ARHGAP26: variants seen among roughly 807,000 people sequenced by gnomAD.
ARHGAP26 encodes rho GTPase-activating protein 26.
In ARHGAP26, 38 loss-of-function variants were observed where a neutral mutation model predicts 104.8. The ratio of observed to expected loss-of-function variants is 0.36; its 90% CI spans 0.28 to 0.48. ARHGAP26 has a LOEUF of 0.48. Ranked by LOEUF, ARHGAP26 falls within the 20% of genes least tolerant of loss-of-function variation. ARHGAP26 has a pLI of 0.99. For synonymous variants in ARHGAP26, 341 were observed against 340.0 expected, an observed-to-expected ratio of 1.00 and a Z score of -0.03; for missense variants, 704 against 947.9, an observed-to-expected ratio of 0.74 and a Z score of 3.38.
chr5:143,050,909 T>C (rs1448813883), intron 14 of ARHGAP26, among the ~76,000 whole-genome samples: 3 of 152,210 alleles, frequency 2.0e-5, no homozygotes, highest in Non-Finnish European at 4.4e-5. Flanking sequence ...CCATCACCTT[T>C]GCCTGTTGGG....
chr5:143,011,303 CTTTTTT>C (rs58841045), intron 11 of ARHGAP26, among the ~76,000 whole-genome samples: 1 of 110,988 alleles, frequency 9.0e-6, no homozygotes, highest in East Asian at 2.7e-4. Flanking sequence ...TAAACCCCCG[CTTTTTT>C]TTTTTTTTTT....
At chr5:142,939,181 C>T (rs1018277219) in intron 11 of ARHGAP26, among the ~76,000 whole-genome samples, 5 of 152,132 alleles carry the variant, frequency 3.3e-5, no homozygotes, top group African/African-American at 7.2e-5. Flanking sequence ...TGGTTGATCT[C>T]GGATAGATGA....
intron 1 of ARHGAP26, among the ~76,000 whole-genome samples, chr5:142,774,635 A>T (rs1755924436): frequency 6.6e-6 from 1 of 152,210 alleles, no homozygotes; most frequent in Non-Finnish European, 1.5e-5. Context: ...TGTGTTGTAC[A>T]TTCTGTGGAT....
chr5:143,154,653 A>C (rs258804), intron 20 of ARHGAP26, among the ~76,000 whole-genome samples: 88,707 of 151,892 alleles, frequency 0.58, 26,153 homozygotes, highest in Middle Eastern at 0.76. Context: ...GGAGGAAGGA[A>C]CTTCTGCTGT....
At chr5:142,778,487 T>C (rs1399547538) in intron 1 of ARHGAP26, among the ~76,000 whole-genome samples, 8 of 152,250 alleles carry the variant, frequency 5.3e-5, no homozygotes, top group African/African-American at 1.9e-4. Flanking sequence ...GATTATTTTG[T>C]GTTTTGCTTT....
intron 6 of ARHGAP26, among the ~76,000 whole-genome samples, chr5:142,900,835 G>A (rs1373403358): frequency 6.6e-6 from 1 of 152,150 alleles, no homozygotes; most frequent in Non-Finnish European, 1.5e-5. Flanking sequence ...TTGGAATAAG[G>A]TGGTATGGCA....
At position 142,843,455 on chromosome 5, in the gene ARHGAP26, A is replaced by G. The variant is rs146460865; in HGVS notation, c.155-29945A>G. ...GTTTCACTAGATTGTCATGATTACA[A>G]TGATGCCTACCATTCATTGAGTGCT... is the stretch of plus-strand genomic sequence containing the variant. On this transcript the variant is annotated intron_variant, in intron 1 of 22. Coordinates refer to ENST00000645722, the MANE Select transcript of ARHGAP26 (RefSeq NM_001135608.3). Among the ~76,000 whole-genome samples the G allele has an allele frequency of 3.4e-3, 525 of 152,368 alleles. 5 individuals carry two copies. Among genetic ancestry groups the G allele is most frequent in the African/African-American group, 0.011 (455 of 41,598 alleles).
At chr5:142,808,236 GAAAAAAAAAAAAAAAAAAAA>G (rs58550799) in intron 1 of ARHGAP26, among the ~76,000 whole-genome samples, 31 of 32,698 alleles carry the variant, frequency 9.5e-4, no homozygotes, top group African/African-American at 1.8e-3. Flanking sequence ...CATTGTCTCG[GAAAAAAAAAAAAAAAAAAAA>G]AAAAAAAAAA....
At chr5:143,119,391 A>G (rs1171920062) in intron 17 of ARHGAP26, among the ~76,000 whole-genome samples, 11 of 152,212 alleles carry the variant, frequency 7.2e-5, no homozygotes, top group Non-Finnish European at 8.8e-5. Context: ...TTTCCTTGCC[A>G]CACAGAGGAG....
In ARHGAP26 at chr5:142,887,762, C is replaced by A. The variant is rs968746262; in HGVS notation, c.486+2363C>A. ...TCTAACACTAAAGAGGTAAAGAGAT[C>A]GAGACCATCCTGGCCAACATGGTGA... is the stretch of plus-strand genomic sequence containing the variant. On this transcript the variant is annotated intron_variant, in intron 5 of 22. Coordinates refer to ENST00000645722, the MANE Select transcript of ARHGAP26 (RefSeq NM_001135608.3). 5.9e-5 allele frequency among the ~76,000 whole-genome samples: 9 copies of A among 152,040 alleles called. 1 individual carries two copies. Among genetic ancestry groups the A allele is most frequent in the Non-Finnish European group, 4.4e-5 (3 of 68,000 alleles).
At chr5:142,994,213 A>G (rs1175732383) in intron 11 of ARHGAP26, among the ~76,000 whole-genome samples, 1 of 152,208 alleles carries the variant, frequency 6.6e-6, no homozygotes, top group Non-Finnish European at 1.5e-5. Flanking sequence ...AGGAGCACGT[A>G]TAGGTAGGGC....
At chr5:142,834,868 A>G (rs1769237739) in intron 1 of ARHGAP26, among the ~76,000 whole-genome samples, 1 of 152,230 alleles carries the variant, frequency 6.6e-6, no homozygotes, top group Admixed American at 6.5e-5. Flanking sequence ...TTGCAAAGGA[A>G]CATGCATTAA....
intron 17 of ARHGAP26, among the ~76,000 whole-genome samples, chr5:143,114,140 G>A (rs2398614): frequency 0.97 from 147,579 of 152,288 alleles, 71,536 homozygotes; most frequent in East Asian, 1. Flanking sequence ...AATTATTTCA[G>A]GCTTCCTGTC....
intron 11 of ARHGAP26, among the ~76,000 whole-genome samples, chr5:142,942,487 A>T (rs1766511332): frequency 6.6e-6 from 1 of 152,182 alleles, no homozygotes; most frequent in South Asian, 2.1e-4. Flanking sequence ...TGCTACATGG[A>T]TTTCTGCTGG....
chr5:142,941,092 AAAAAAAAAG>A (rs1766270808), intron 11 of ARHGAP26, among the ~76,000 whole-genome samples: 2 of 150,394 alleles, frequency 1.3e-5, no homozygotes, highest in African/African-American at 2.4e-5. Context: ...AAAAAAAAAA[AAAAAAAAAG>A]AATCTATATT....
intron 17 of ARHGAP26, among the ~76,000 whole-genome samples, chr5:143,113,326 C>T (rs1259545273): frequency 1.3e-5 from 2 of 152,194 alleles, no homozygotes; most frequent in Non-Finnish European, 2.9e-5. Context: ...CTTAACATCT[C>T]AGCAGCCTTC....
intron 1 of ARHGAP26, among the ~76,000 whole-genome samples, chr5:142,808,274 A>AGG (rs1763412116): frequency 9.0e-6 from 1 of 110,536 alleles, no homozygotes; most frequent in African/African-American, 3.6e-5. Context: ...AAAAAAAAAA[A>AGG]AATGTTGTAT....
At chr5:143,178,793 G>A (rs1251144871) in intron 20 of ARHGAP26, among the ~76,000 whole-genome samples, 1 of 152,158 alleles carries the variant, frequency 6.6e-6, no homozygotes, top group Non-Finnish European at 1.5e-5. Context: ...ACTTGTACAA[G>A]GTCACCCAGC....
intron 20 of ARHGAP26, among the ~76,000 whole-genome samples, chr5:143,148,248 G>C (rs1431992689): frequency 1.3e-5 from 2 of 152,172 alleles, no homozygotes; most frequent in Non-Finnish European, 2.9e-5. Flanking sequence ...GTTGTTTCAC[G>C]TGGGGAGACG....
Sources: allele counts gnomAD v4.1 joint callset (sites outside exome capture counted in the v4.1 genomes callset), GRCh38; gene constraint gnomAD v4.1.1; transcripts MANE v1.5; gene names NCBI Gene and HGNC (gene_info 2026-07-23, HGNC 2026-07-21).